Variants in EML1 observed in about 807,000 individuals in gnomAD.
EML1 encodes echinoderm microtubule-associated protein-like 1.
In EML1, 27 loss-of-function variants were observed where a neutral mutation model predicts 110.4. The ratio of observed to expected loss-of-function variants is 0.24; its 90% CI spans 0.18 to 0.34. EML1 has a LOEUF of 0.34. EML1 is among the 10% of genes least tolerant of loss of function. EML1 has a pLI of 1.00. For synonymous variants in EML1, 344 were observed against 385.8 expected, an observed-to-expected ratio of 0.89 and a Z score of 1.27; for missense variants, 741 against 1,030.9, an observed-to-expected ratio of 0.72 and a Z score of 3.85.
intron 2 of EML1, among the ~76,000 whole-genome samples, chr14:99,864,986 A>C (rs2059070093): frequency 6.6e-6 from 1 of 152,112 alleles, no homozygotes. Flanking sequence ...TGATTTTTCC[A>C]CAGAAGTGGG....
chr14:99,856,720 A>G (rs2058908639), intron 2 of EML1, among the ~76,000 whole-genome samples: 1 of 152,184 alleles, frequency 6.6e-6, no homozygotes, highest in Admixed American at 6.5e-5. Context: ...GGTTTAGTAG[A>G]TGTTTGTAGT....
intron 3 of EML1, among the ~76,000 whole-genome samples, chr14:99,876,277 C>T (rs1488613443): frequency 6.6e-6 from 1 of 152,114 alleles, no homozygotes; most frequent in Non-Finnish European, 1.5e-5. Flanking sequence ...TCAGTGCAGG[C>T]GCAGGGGTCT....
chr14:99,869,934 C>T (rs1327697743), intron 3 of EML1, among the ~76,000 whole-genome samples: 1 of 152,230 alleles, frequency 6.6e-6, no homozygotes, highest in African/African-American at 2.4e-5. Flanking sequence ...AATGCCGGTG[C>T]CATGCTTCCT....
At chr14:99,837,235 C>G (rs1430840459) in intron 1 of EML1, among the ~76,000 whole-genome samples, 1 of 152,100 alleles carries the variant, frequency 6.6e-6, no homozygotes, top group Non-Finnish European at 1.5e-5. Context: ...TCAGGCTTTA[C>G]CTGGGTTCCC....
chr14:99,807,455 G>T (rs2057997747), intron 1 of EML1, among the ~76,000 whole-genome samples: 1 of 152,214 alleles, frequency 6.6e-6, no homozygotes, highest in South Asian at 2.1e-4. Flanking sequence ...CAAAGTCACT[G>T]TTGTGAAGGT....
At chr14:99,876,211 G>C (rs1213781816) in intron 3 of EML1, among the ~76,000 whole-genome samples, 1 of 152,130 alleles carries the variant, frequency 6.6e-6, no homozygotes, top group African/African-American at 2.4e-5. Flanking sequence ...CCCCAGGCAG[G>C]AGCTGCCTGG....
At chr14:99,826,105 A>ATT (rs71113225) in intron 1 of EML1, among the ~76,000 whole-genome samples, 3,031 of 79,954 alleles carry the variant, frequency 0.038, 103 homozygotes, top group Non-Finnish European at 0.052. Context: ...CTGTGCATTG[A>ATT]TTTTTTTTTT....
chr14:99,831,163 G>T (rs1595354308), intron 1 of EML1, among the ~76,000 whole-genome samples: 1 of 152,176 alleles, frequency 6.6e-6, no homozygotes, highest in Non-Finnish European at 1.5e-5. Context: ...TTAAAAAGTG[G>T]TAATGTTTTA....
intron 15 of EML1, among the ~76,000 whole-genome samples, chr14:99,915,585 G>C (rs904018259): frequency 9.2e-5 from 14 of 152,020 alleles, no homozygotes; most frequent in Admixed American, 3.3e-4. Context: ...CAGCTCTGCA[G>C]GTTGAAGAGG....
chr14:99,933,245 G>A (rs970618073), intron 17 of EML1, among the ~76,000 whole-genome samples: 1 of 152,096 alleles, frequency 6.6e-6, no homozygotes, highest in Admixed American at 6.6e-5. Flanking sequence ...GCGCAATCTC[G>A]GCTCACTGCA....
intron 2 of EML1, among the ~76,000 whole-genome samples, chr14:99,860,961 A>G (rs556131034): frequency 1.9e-4 from 29 of 152,192 alleles, no homozygotes; most frequent in African/African-American, 7.0e-4. Flanking sequence ...ATTGCATCTG[A>G]TTTTCTTTTC....
chr14:99,793,426 C>G lies in EML1; in HGVS notation c.-51C>G. On this transcript the variant is annotated 5_prime_UTR_variant, in exon 1 of 22. Transcript: ENST00000262233. ...CGGGCTCAGCTCAGTGTGTGGTGAG[C>G]GGCGGCGGCGCGGCCGGGCCGGGGA... is the stretch of plus-strand genomic sequence containing the variant. 2 of 1,025,918 alleles carry G rather than the reference C, an allele frequency of 1.9e-6. No individual in the cohort carries two copies. Among genetic ancestry groups the G allele is most frequent in the Non-Finnish European group, 2.3e-6 (2 of 857,118 alleles). 63.6% of individuals were successfully genotyped at this position (1,025,918 alleles called of 1,614,324 possible). A position where few individuals can be genotyped will look rare whatever the true frequency, so the allele number is the denominator to read the frequency against.
At chr14:99,780,233 G>C (rs1297545564) in intron 1 of EML1, among the ~76,000 whole-genome samples, 2 of 152,026 alleles carry the variant, frequency 1.3e-5, no homozygotes, top group African/African-American at 2.4e-5. Flanking sequence ...GTCACATTGG[G>C]GGTTGGGTTT....
At chr14:99,737,951 C>A in intron 1 of EML1, 1 of 1,232,184 alleles carries the variant, frequency 8.1e-7, no homozygotes, top group Non-Finnish European at 1.1e-6. Context: ...CCGCAGGCTG[C>A]AGGCAGCTGT....
chr14:99,785,559 A>C (rs1020560264), intron 1 of EML1, among the ~76,000 whole-genome samples: 3 of 152,244 alleles, frequency 2.0e-5, no homozygotes, highest in East Asian at 3.8e-4. Context: ...ATAAAAGGTC[A>C]TAAGTTTCCA....
At chr14:99,909,584 C>CAACTATGTGAGGGA in intron 11 of EML1, 105 bp downstream of exon 11, 3 of 1,462,142 alleles carry the variant, frequency 2.1e-6, no homozygotes, top group Non-Finnish European at 2.8e-6. Flanking sequence ...CTTGGGATCC[C>CAACTATGTGAGGGA]TCACATAGTT....
At chr14:99,802,507 G>A (rs2057899594) in intron 1 of EML1, among the ~76,000 whole-genome samples, 1 of 152,006 alleles carries the variant, frequency 6.6e-6, no homozygotes, top group Admixed American at 6.5e-5. Flanking sequence ...GGTGTTGGGA[G>A]CAAGACGCAG....
chr14:99,865,667 T>G (rs1566906184), intron 3 of EML1, 21 bp downstream of exon 3: 1 of 1,612,278 alleles, frequency 6.2e-7, no homozygotes, highest in Non-Finnish European at 8.5e-7. Flanking sequence ...AGCAGGGCCT[T>G]AAATGAACTC....
chr14:99,825,278 C>T (rs2058333817), intron 1 of EML1, among the ~76,000 whole-genome samples: 1 of 152,162 alleles, frequency 6.6e-6, no homozygotes, highest in Non-Finnish European at 1.5e-5. Flanking sequence ...GAGCCCTGTG[C>T]CTGGCCACCA....
Sources: allele counts gnomAD v4.1 joint callset (sites outside exome capture counted in the v4.1 genomes callset), GRCh38; gene constraint gnomAD v4.1.1; transcripts MANE v1.5; gene names NCBI Gene and HGNC (gene_info 2026-07-23, HGNC 2026-07-21).